IMMP2L: variants seen among roughly 807,000 people sequenced by gnomAD.
The protein encoded by IMMP2L is mitochondrial inner membrane protease subunit 2.
IMMP2L carries 18 observed loss-of-function variants against 19.3 expected under a neutral mutation model. That is an observed-to-expected ratio of 0.93 (90% CI 0.64 to 1.38). The LOEUF (loss-of-function observed/expected upper bound fraction) is 1.38. Ranked by LOEUF, IMMP2L falls within the 40% of genes most tolerant of loss-of-function variation. The pLI, the probability that IMMP2L is intolerant of heterozygous loss-of-function variation, is 0.00. For missense variants in IMMP2L, 233 were observed against 218.2 expected (o/e 1.07, Z -0.43); for synonymous variants, 76 against 73.0 (o/e 1.04, Z -0.21).
intron 3 of IMMP2L, among the ~76,000 whole-genome samples, chr7:111,043,396 C>T (rs757078074): frequency 3.9e-5 from 6 of 152,090 alleles, no homozygotes; most frequent in Admixed American, 1.3e-4. Flanking sequence ...TTCCTCTCAA[C>T]GTTAACATCT....
At chr7:111,253,215 T>C (rs1816336888) in intron 3 of IMMP2L, among the ~76,000 whole-genome samples, 1 of 152,142 alleles carries the variant, frequency 6.6e-6, no homozygotes, top group Non-Finnish European at 1.5e-5. Flanking sequence ...CACAAACTAC[T>C]AAAACTTCAG....
At chr7:110,825,991 G>GA (rs1466787846) in intron 5 of IMMP2L, among the ~76,000 whole-genome samples, 1 of 151,854 alleles carries the variant, frequency 6.6e-6, no homozygotes, top group African/African-American at 2.4e-5. Context: ...AAATTTACAA[G>GA]AAAAAAACAA....
rs1800404020 is a variant in IMMP2L at position 110,790,691 on chromosome 7, T to A, written c.408+95902A>T. On this transcript the variant is annotated intron_variant, in intron 5 of 5. Coordinates refer to ENST00000405709, the MANE Select transcript of IMMP2L (RefSeq NM_032549.4). ...CAGTGGGGCCACTTCGGAGTAGGTTTACTTTAAACAAGGGTCCTATTTTAA... is the reference window on the plus strand; with the variant it reads ...CAGTGGGGCCACTTCGGAGTAGGTTAACTTTAAACAAGGGTCCTATTTTAA... 1.3e-5 allele frequency among the ~76,000 whole-genome samples: 2 copies of A among 151,668 alleles called. 1 individual carries two copies. The highest frequency in any genetic ancestry group is 4.9e-5 in the African/African-American group (2 of 41,080).
chr7:111,315,900 G>A (rs750502310), intron 3 of IMMP2L, among the ~76,000 whole-genome samples: 1 of 152,082 alleles, frequency 6.6e-6, no homozygotes, highest in Non-Finnish European at 1.5e-5. Context: ...GTACAGTTAT[G>A]CATCACTTAA....
chr7:110,665,894 C>T (rs1242630081), intron 5 of IMMP2L, among the ~76,000 whole-genome samples: 1 of 152,102 alleles, frequency 6.6e-6, no homozygotes, highest in Non-Finnish European at 1.5e-5. Flanking sequence ...ATTGATGATC[C>T]TGTCCGAATC....
At chr7:111,512,034 T>C (rs1017458534) in intron 2 of IMMP2L, among the ~76,000 whole-genome samples, 1 of 152,162 alleles carries the variant, frequency 6.6e-6, no homozygotes, top group Non-Finnish European at 1.5e-5. Context: ...CTATTACGTA[T>C]CTGCCCAAGA....
chr7:111,191,185 T>A (rs1408088257), intron 3 of IMMP2L, among the ~76,000 whole-genome samples: 1 of 152,142 alleles, frequency 6.6e-6, no homozygotes, highest in East Asian at 1.9e-4. Context: ...TTGCAGTATA[T>A]TATTTTGTAT....
chr7:111,136,587 A>G (rs1441499435), intron 3 of IMMP2L, among the ~76,000 whole-genome samples: 1 of 152,192 alleles, frequency 6.6e-6, no homozygotes, highest in Admixed American at 6.5e-5. Context: ...TCAAGTCATT[A>G]AAGTCTCTCT....
At chr7:110,826,840 AAAAT>A (rs958737858) in intron 5 of IMMP2L, among the ~76,000 whole-genome samples, 1 of 151,920 alleles carries the variant, frequency 6.6e-6, no homozygotes, top group Non-Finnish European at 1.5e-5. Flanking sequence ...GTATATTAAA[AAAAT>A]AAATAAAAAT....
intron 2 of IMMP2L, among the ~76,000 whole-genome samples, chr7:111,500,209 T>G (rs1040461179): frequency 5.3e-5 from 8 of 152,150 alleles, no homozygotes; most frequent in Non-Finnish European, 1.0e-4. Context: ...CGCTGATTGC[T>G]AGCACAGCAG....
intron 3 of IMMP2L, among the ~76,000 whole-genome samples, chr7:111,444,644 G>C (rs565225796): frequency 6.6e-6 from 1 of 151,864 alleles, no homozygotes; most frequent in African/African-American, 2.4e-5. Context: ...TCTTTATCAA[G>C]TATTTAACCA....
chr7:111,521,222 C>A (rs972368926), intron 2 of IMMP2L, 91 bp downstream of exon 2: 28 of 1,348,204 alleles, frequency 2.1e-5, no homozygotes, highest in African/African-American at 4.4e-5. Flanking sequence ...TTTCAGTTCC[C>A]AGAATAGGAA....
intron 3 of IMMP2L, among the ~76,000 whole-genome samples, chr7:111,107,210 T>C (rs1243756283): frequency 6.6e-6 from 1 of 151,972 alleles, no homozygotes; most frequent in African/African-American, 2.4e-5. Context: ...TCCTTCTCTC[T>C]TTCCTCTCCC....
chr7:110,686,438 A>G (rs1200511456), intron 5 of IMMP2L, among the ~76,000 whole-genome samples: 1 of 151,580 alleles, frequency 6.6e-6, no homozygotes, highest in African/African-American at 2.4e-5. Context: ...TTCCAGTCCT[A>G]TCCTTTCTCC....
chr7:111,132,147 A>C (rs1025614542), intron 3 of IMMP2L, among the ~76,000 whole-genome samples: 1 of 152,054 alleles, frequency 6.6e-6, no homozygotes, highest in African/African-American at 2.4e-5. Flanking sequence ...TTTGCCAAAC[A>C]CAAAGAACAC....
intron 1 of IMMP2L, among the ~76,000 whole-genome samples, chr7:111,528,643 G>A (rs186440968): frequency 6.6e-6 from 1 of 152,204 alleles, no homozygotes; most frequent in Admixed American, 6.5e-5. Context: ...ATCTAAAATT[G>A]TTCTTAAGCC....
At chr7:110,939,748 C>A (rs551837167) in intron 4 of IMMP2L, among the ~76,000 whole-genome samples, 93 of 152,262 alleles carry the variant, frequency 6.1e-4, no homozygotes, top group African/African-American at 2.2e-3. Context: ...ATGTGGGTAT[C>A]TCGCTGTATT....
intron 3 of IMMP2L, among the ~76,000 whole-genome samples, chr7:111,281,208 A>AAG (rs1170647587): frequency 4.6e-4 from 25 of 53,840 alleles, no homozygotes; most frequent in African/African-American, 1.7e-3. Flanking sequence ...GAAAGAAAGA[A>AAG]AGAAAGAAAA....
intron 3 of IMMP2L, among the ~76,000 whole-genome samples, chr7:111,225,139 T>C (rs576355634): frequency 5.9e-5 from 9 of 152,238 alleles, no homozygotes; most frequent in African/African-American, 1.4e-4. Context: ...ACTTGGATTT[T>C]TGGCAGACAT....
Sources: allele counts gnomAD v4.1 joint callset (sites outside exome capture counted in the v4.1 genomes callset), GRCh38; gene constraint gnomAD v4.1.1; transcripts MANE v1.5; gene names NCBI Gene and HGNC (gene_info 2026-07-23, HGNC 2026-07-21).